Variants in STAB1 observed in about 807,000 individuals in gnomAD.
STAB1 encodes stabilin-1.
STAB1 carries 250 observed loss-of-function variants against 332.4 expected under a neutral mutation model. The ratio of observed to expected loss-of-function variants is 0.75; its 90% CI spans 0.68 to 0.84. STAB1 has a LOEUF of 0.84. STAB1 is among the 40% of genes least tolerant of loss of function. The probability of loss-of-function intolerance (pLI) is 0.00; values close to 1 mark genes in which losing one functional copy is unlikely to be tolerated. For missense variants in STAB1, 3,249 were observed against 3,489.7 expected (o/e 0.93, Z 1.74); for synonymous variants, 1,475 against 1,390.4 (o/e 1.06, Z -1.35).
At position 52,501,717 on chromosome 3, in the gene STAB1, G is replaced by T; in HGVS notation, c.295G>T (p.Ala99Ser). The T allele has an allele frequency of 6.3e-7, 1 of 1,576,674 alleles. No individual in the cohort carries two copies. Among genetic ancestry groups the T allele is most frequent in the Non-Finnish European group, 8.6e-7 (1 of 1,162,116 alleles). ...RKCRKQVVQK[A>S]CCPGYWGSRC... ...GTGCCGGAAGCAAGTGGTGCAGAAG[G>T]CCTGCTGCCCTGGCTACTGGGGTTC... Residue 99 changes from alanine to serine, a missense_variant, in exon 3 of 69, where the codon GCC becomes TCC. By Grantham distance (99) the Ala-to-Ser change is moderately conservative. Transcript: ENST00000321725.
intron 20 of STAB1, 67 bp downstream of exon 20, chr3:52,508,093 A>T: frequency 6.6e-7 from 1 of 1,525,234 alleles, no homozygotes; most frequent in South Asian, 1.2e-5. Flanking sequence ...GGGGCCCCCA[A>T]GCTGGGGCTG....
At position 52,505,357 on chromosome 3, in the gene STAB1, C is replaced by T. The variant is rs755130079; in HGVS notation, c.1557C>T (p.Phe519=). Residue 519 remains phenylalanine, a synonymous_variant, in exon 14 of 69, where the codon TTC becomes TTT. Transcript: ENST00000321725. ...AGATCCTCGCCTCTACCGAGGCCTT[C>T]AGCCGCTTTGAAACCATCCTGGAGG... ...IGQILASTEA[F]SRFETILENC... 3.4e-5 allele frequency: 55 copies of T among 1,613,676 alleles called. No homozygotes were observed. The highest frequency in any genetic ancestry group is 4.6e-5 in the Non-Finnish European group (54 of 1,179,914).
rs2079150115 is a variant in STAB1 at position 52,523,451 on chromosome 3, C to G, written c.7165C>G (p.Leu2389Val). ...NMTLSGPDLELHASNATLLSA... is the reference protein window; with the variant it reads ...NMTLSGPDLEVHASNATLLSA... ...GACGCTGAGTGGCCCAGACTTGGAGCTGCATGCCTCCAACGCCACCCTCCT... is the reference window on the plus strand; with the variant it reads ...GACGCTGAGTGGCCCAGACTTGGAGGTGCATGCCTCCAACGCCACCCTCCT... Residue 2389 changes from leucine to valine, a missense_variant, in exon 65 of 69, where the codon CTG becomes GTG. Transcript: ENST00000321725. The G allele has an allele frequency of 6.2e-7, 1 of 1,609,554 alleles. No individual in the cohort carries two copies. The highest frequency in any genetic ancestry group is 8.5e-7 in the Non-Finnish European group (1 of 1,177,586).
In STAB1 at chr3:52,512,435, G is replaced by A. The variant is rs557278439; in HGVS notation, c.2978G>A (p.Arg993Gln). 5.2e-5 allele frequency: 84 copies of A among 1,609,840 alleles called. No homozygotes were observed. Among genetic ancestry groups the A allele is most frequent in the Admixed American group, 2.9e-4 (17 of 58,970 alleles). Residue 993 changes from arginine to glutamine, a missense_variant and splice_region_variant, in exon 27 of 69, where the codon CGG becomes CAG. Arg to Gln is a conservative substitution (Grantham distance 43). Transcript: ENST00000321725. ...TTCAGCTGTTATGGAGACATCTTCC[G>A]GGTAAGGGGTGCTCAGACTCGTTTT... ...DGFSCYGDIF[R>Q]ELEANAHFSI...
chr3:52,509,499 C>T, intron 22 of STAB1, 178 bp downstream of exon 22: 1 of 608,562 alleles, frequency 1.6e-6, no homozygotes, highest in Non-Finnish European at 2.9e-6. Flanking sequence ...AACGAAGCCC[C>T]AGGAGGAGGG....
At position 52,495,468 on chromosome 3, in the gene STAB1, GGCTTCA is replaced by G. The variant is rs772235445; in HGVS notation, c.61_66del (p.Ser21_Phe22del). Reference sequence around the variant, plus strand: ...CTGCCTCCTGGCCTTCTGCCTGGCAGGCTTCAGCTTCGTCAGGGGGCAGGTAAGTGT... The same window carrying G: ...CTGCCTCCTGGCCTTCTGCCTGGCAGGCTTCGTCAGGGGGCAGGTAAGTGT... On this transcript the variant is annotated inframe_deletion, in exon 1 of 69. Transcript: ENST00000321725. 3.0e-6 allele frequency: 4 copies of G among 1,342,490 alleles called. No homozygotes were observed. The highest frequency in any genetic ancestry group is 6.2e-5 in the Admixed American group (2 of 32,058). 83.2% of individuals were successfully genotyped at this position (1,342,490 alleles called of 1,614,324 possible). A position where few individuals can be genotyped will look rare whatever the true frequency, so the allele number is the denominator to read the frequency against.
Position 52,506,238 on chromosome 3 carries a change from C to T in STAB1, c.1818C>T (p.Asn606=), listed in dbSNP as rs201240267. Residue 606 remains asparagine (N), a synonymous_variant, in exon 17 of 69, where the codon AAC becomes AAT. Transcript: ENST00000321725. ...TGGCGAACCAGGTCCTGGCTGTGAACATTTCTGAGGAGGTGAGGTGCACGG... is the reference window on the plus strand; with the variant it reads ...TGGCGAACCAGGTCCTGGCTGTGAATATTTCTGAGGAGGTGAGGTGCACGG... The part of the protein sequence containing the change: ...LTMANQVLAV[N]ISEEGRILLG... 4 of 1,612,266 alleles carry T rather than the reference C, an allele frequency of 2.5e-6. No individual in the cohort carries two copies. Among genetic ancestry groups the T allele is most frequent in the Non-Finnish European group, 3.4e-6 (4 of 1,179,362 alleles).
intron 30 of STAB1, 54 bp from the exon 31 acceptor site, chr3:52,513,663 C>T: frequency 1.3e-6 from 2 of 1,567,202 alleles, no homozygotes; most frequent in Non-Finnish European, 1.7e-6. Flanking sequence ...GCTGCCCCAC[C>T]TTTAAGGGTC....
At position 52,513,020 on chromosome 3, in the gene STAB1, C is replaced by T. The variant is rs562222160; in HGVS notation, c.3158+62C>T. 1.3e-5 allele frequency: 20 copies of T among 1,576,754 alleles called. 1 individual carries two copies. The highest frequency in any genetic ancestry group is 1.2e-4 in the East Asian group (5 of 42,974). On this transcript the variant is annotated intron_variant, in intron 29 of 68. Coordinates refer to ENST00000321725, the MANE Select transcript of STAB1 (RefSeq NM_015136.3). ...CTTGAGGGACCCAGTCCCTCCCCAG[C>T]GAGTCCTCAGCCTGGCAGGCACTCA...
intron 25 of STAB1, 83 bp from the exon 26 acceptor site, chr3:52,511,567 T>A: frequency 1.5e-6 from 2 of 1,318,830 alleles, no homozygotes; most frequent in Non-Finnish European, 2.1e-6. Flanking sequence ...CTGGGGGCAG[T>A]GACCAGAGAG....
chr3:52,505,629 G>A (rs1412358946), intron 14 of STAB1, 39 bp from the exon 15 acceptor site: 1 of 1,595,624 alleles, frequency 6.3e-7, no homozygotes, highest in Admixed American at 1.7e-5. Context: ...GGTGGAGGCT[G>A]GCCATGCAAC....
intron 58 of STAB1, 35 bp downstream of exon 58, chr3:52,521,986 C>A: frequency 6.2e-7 from 1 of 1,606,266 alleles, no homozygotes; most frequent in Non-Finnish European, 8.5e-7. Context: ...AGGTGGGAGG[C>A]CCCCACTCCC....
Position 52,516,075 on chromosome 3 carries a change from G to A in STAB1, c.3981G>A (p.Thr1327=), listed in dbSNP as rs202212621. 14 of 1,610,994 alleles carry A rather than the reference G, an allele frequency of 8.7e-6. No homozygotes were observed. The highest frequency in any genetic ancestry group is 3.3e-5 in the Admixed American group (2 of 59,818). Residue 1327 remains threonine, a synonymous_variant, in exon 38 of 69, where the codon ACG becomes ACA. Coordinates refer to ENST00000321725, the MANE Select transcript of STAB1 (RefSeq NM_015136.3). ...ACTGCTGCCCTGGTTTCTTTGGCACGCTGTGTGAGCCATGCCCAGGGGGTC... is the reference window on the plus strand; with the variant it reads ...ACTGCTGCCCTGGTTTCTTTGGCACACTGTGTGAGCCATGCCCAGGGGGTC... ...VPDCCPGFFG[T]LCEPCPGGLG... is the part of the protein sequence containing the mutation.
chr3:52,517,988 T>C lies in STAB1; in HGVS notation c.4746T>C (p.Arg1582=), dbSNP rs1217789577. 2 of 1,605,002 alleles carry C rather than the reference T, an allele frequency of 1.2e-6. No individual in the cohort carries two copies. Residue 1582 remains arginine (R), a synonymous_variant, in exon 45 of 69, where the codon CGT becomes CGC. Transcript: ENST00000321725. ...AHTVGDGLTC[R]ARVGLELLRD... is the part of the protein sequence containing the mutation. ...CCGTGGGGGACGGCCTCACCTGCCGTGCCCGAGTCGGCCTGGTAATGATGC... is the reference window on the plus strand; with the variant it reads ...CCGTGGGGGACGGCCTCACCTGCCGCGCCCGAGTCGGCCTGGTAATGATGC...
chr3:52,505,569 G>T lies in STAB1; in HGVS notation c.1582-99G>T, dbSNP rs995261843. 16 of 1,317,946 alleles carry T rather than the reference G, an allele frequency of 1.2e-5. No homozygotes were observed. The Admixed American group carries it at 2.1e-4, about 17-fold the overall frequency. The allele number at this position is 1,317,946 out of a possible 1,614,324, so 81.6% of individuals were successfully genotyped here. ...ATTGCCCATGTCTCCCCCTTACTCAGTGGGAGTTTCCTGCAGGCCAAAGGT... is the reference window on the plus strand; with the variant it reads ...ATTGCCCATGTCTCCCCCTTACTCATTGGGAGTTTCCTGCAGGCCAAAGGT... On this transcript the variant is annotated intron_variant, in intron 14 of 68. Transcript: ENST00000321725.
intron 33 of STAB1, 27 bp from the exon 34 acceptor site, chr3:52,514,338 C>G: frequency 1.3e-6 from 2 of 1,550,968 alleles, no homozygotes; most frequent in South Asian, 2.5e-5. Flanking sequence ...ATCCTGCAGT[C>G]CCCTGGGTTC....
chr3:52,522,449 C>T lies in STAB1; in HGVS notation c.6585C>T (p.Ala2195=), dbSNP rs2079105249. ...AGCCACCGCCCTGCCACTCAGATGCCATGTGCACTGACCTGCACTTCCAGG... is the reference window on the plus strand; with the variant it reads ...AGCCACCGCCCTGCCACTCAGATGCTATGTGCACTGACCTGCACTTCCAGG... ...LGQPPPCHSD[A]MCTDLHFQEK... is the part of the protein sequence containing the mutation. The change falls in exon 60 of 69, where the codon GCC becomes GCT. Residue 2195 remains alanine (A), a synonymous_variant. Transcript: ENST00000321725. 1 of 1,613,074 alleles carries T rather than the reference C, an allele frequency of 6.2e-7. No homozygotes were observed. The highest frequency in any genetic ancestry group is 8.5e-7 in the Non-Finnish European group (1 of 1,180,036).
intron 10 of STAB1, 81 bp from the exon 11 acceptor site, chr3:52,504,380 C>A: frequency 1.3e-6 from 2 of 1,503,612 alleles, no homozygotes; most frequent in East Asian, 2.3e-5. Flanking sequence ...TCCCCCACAC[C>A]AGGTCTGATG....
chr3:52,518,026 C>A lies in STAB1; in HGVS notation c.4761+23C>A, dbSNP rs117845291. The A allele has an allele frequency of 1.2e-3, 1,916 of 1,591,528 alleles. 48 individuals carry two copies. In the East Asian group the frequency reaches 0.039, roughly 32 times the overall value. ...CTGGTAATGATGCCCAAGTCAGACC[C>A]CTGATCTGGTCTTGGCTGTGCCCCA... On this transcript the variant is annotated intron_variant, in intron 45 of 68. Coordinates refer to ENST00000321725, the MANE Select transcript of STAB1 (RefSeq NM_015136.3).
Sources: allele counts gnomAD v4.1 joint callset, GRCh38; gene constraint gnomAD v4.1.1; transcripts MANE v1.5; gene names NCBI Gene and HGNC (gene_info 2026-07-23, HGNC 2026-07-21).